PKP4: variants seen among roughly 807,000 people sequenced by gnomAD.
PKP4 encodes plakophilin-4.
A neutral mutation model predicts 145.1 loss-of-function variants in PKP4; 90 were observed. The ratio of observed to expected loss-of-function variants is 0.62; its 90% CI spans 0.52 to 0.74. The LOEUF is 0.74. Among genes scored for constraint, PKP4 ranks in the 30% least tolerant of loss-of-function variants. The pLI, the probability that PKP4 is intolerant of heterozygous loss-of-function variation, is 0.00. For missense variants in PKP4, 1,340 were observed against 1,482.7 expected, an observed-to-expected ratio of 0.90 and a Z score of 1.58; for synonymous variants, 563 against 577.2, an observed-to-expected ratio of 0.98 and a Z score of 0.35.
In PKP4 at chr2:158,486,165, A is replaced by T. The variant is rs1260245335; in HGVS notation, c.-6+28947A>T. Among the ~76,000 whole-genome samples, 4 of 152,324 alleles carry T rather than the reference A, an allele frequency of 2.6e-5. No individual in the cohort carries two copies. In the East Asian group the frequency reaches 7.7e-4, roughly 29 times the overall value. The stretch of plus-strand genomic sequence containing the variant: ...GGCAGCTCAACTTTTTTAAATTCTT[A>T]CTTTTATGATAGGCTATAATTAAAC... On this transcript the variant is annotated intron_variant, in intron 1 of 21. Coordinates refer to ENST00000389759, the MANE Select transcript of PKP4 (RefSeq NM_003628.6).
In PKP4 at chr2:158,625,368, G is replaced by C; in HGVS notation, c.1094G>C (p.Gly365Ala). ...ACTGTTCATGACATGGAGCAATTCG[G>C]ACAGCAGCAGTATGACATTTATGAG... is the stretch of plus-strand genomic sequence containing the variant. ...QRTVHDMEQF[G>A]QQQYDIYERM... The change falls in exon 7 of 22, where the codon GGA (glycine) becomes GCA (alanine). Residue 365 changes from glycine (G) to alanine (A), a missense_variant. By Grantham distance (60) the Gly-to-Ala change is moderately conservative (BLOSUM62 0). Transcript: ENST00000389759. 6.2e-7 allele frequency: 1 copy of C among 1,614,168 alleles called. No individual in the cohort carries two copies. The highest frequency in any genetic ancestry group is 1.3e-5 in the African/African-American group (1 of 75,046).
chr2:158,568,776 C>A (rs141828321), intron 2 of PKP4, among the ~76,000 whole-genome samples: 1,766 of 152,176 alleles, frequency 0.012, 38 homozygotes, highest in African/African-American at 0.039. Context: ...GAGTTCACAA[C>A]CAGCCTGGCC....
intron 1 of PKP4, among the ~76,000 whole-genome samples, chr2:158,483,584 G>C (rs1693695486): frequency 6.6e-6 from 1 of 151,978 alleles, no homozygotes; most frequent in Non-Finnish European, 1.5e-5. Flanking sequence ...AAAGCAGGTA[G>C]CTTTTTGTGT....
chr2:158,580,143 T>C (rs1407151580), intron 3 of PKP4, among the ~76,000 whole-genome samples: 1 of 152,266 alleles, frequency 6.6e-6, no homozygotes, highest in Non-Finnish European at 1.5e-5. Context: ...TATTAGATTA[T>C]GTTCTGGACT....
rs1361043519 is a variant in PKP4, at chr2:158,488,206, G to C, written c.-6+30988G>C. Among the ~76,000 whole-genome samples the C allele has an allele frequency of 2.6e-5, 4 of 152,188 alleles. No individual in the cohort carries two copies. In the East Asian group the frequency reaches 7.7e-4, roughly 29 times the overall value. On this transcript the variant is annotated intron_variant, in intron 1 of 21. Transcript: ENST00000389759. Reference sequence around the variant, plus strand: ...ATTATAAAAAAAATTGGAGGCAAGGGGTGAAAGATCTAGGTAGTGTATGAA... The same window carrying C: ...ATTATAAAAAAAATTGGAGGCAAGGCGTGAAAGATCTAGGTAGTGTATGAA...
intron 1 of PKP4, among the ~76,000 whole-genome samples, chr2:158,463,502 T>C (rs1056431184): frequency 6.6e-6 from 1 of 151,728 alleles, no homozygotes; most frequent in Non-Finnish European, 1.5e-5. Flanking sequence ...GGAATATACA[T>C]GATATAAATC....
intron 1 of PKP4, among the ~76,000 whole-genome samples, chr2:158,514,519 T>G (rs534255072): frequency 2.0e-5 from 3 of 152,332 alleles, no homozygotes; most frequent in Non-Finnish European, 2.9e-5. Flanking sequence ...CCATCATTCC[T>G]CTATCCTGCT....
At chr2:158,571,340 T>C (rs147924396) in intron 2 of PKP4, among the ~76,000 whole-genome samples, 35 of 152,278 alleles carry the variant, frequency 2.3e-4, no homozygotes, top group African/African-American at 7.7e-4. Flanking sequence ...ATATCAAGAA[T>C]GTAAGGGGGC....
intron 17 of PKP4, among the ~76,000 whole-genome samples, chr2:158,670,290 T>C (rs1026059872): frequency 2.0e-5 from 3 of 152,166 alleles, no homozygotes; most frequent in African/African-American, 7.2e-5. Context: ...ATTTGGTGTC[T>C]GGTGAGGGCC....
At chr2:158,655,559 A>T (rs182546875) in intron 11 of PKP4, among the ~76,000 whole-genome samples, 2 of 81,162 alleles carry the variant, frequency 2.5e-5, no homozygotes, top group Non-Finnish European at 7.5e-5. Context: ...TATATCCAAT[A>T]TTATAGTATG....
Position 158,533,313 on chromosome 2 carries a change from GCAGGTA to G in PKP4, c.132_132+5del. 1 of 1,614,144 alleles carries G rather than the reference GCAGGTA, an allele frequency of 6.2e-7. No homozygotes were observed. Among genetic ancestry groups the G allele is most frequent in the Non-Finnish European group, 8.5e-7 (1 of 1,180,002 alleles). ...CCACTATTCTAGCATCCGTGAAGGA[GCAGGTA>G]CATCCTCGTATTGAAAGTTGCAGTG... On this transcript the variant is annotated splice_donor_variant and splice_donor_region_variant and coding_sequence_variant and intron_variant, in exon 2 of 22. Transcript: ENST00000389759. LOFTEE classifies it high-confidence loss of function.
At chr2:158,510,580 G>A (rs1162902042) in intron 1 of PKP4, among the ~76,000 whole-genome samples, 2 of 152,216 alleles carry the variant, frequency 1.3e-5, no homozygotes, top group African/African-American at 4.8e-5. Context: ...CTTGCAAAGT[G>A]CCTGTGTGTC....
At chr2:158,479,902 A>G (rs1272603531) in intron 1 of PKP4, among the ~76,000 whole-genome samples, 1 of 152,162 alleles carries the variant, frequency 6.6e-6, no homozygotes, top group Non-Finnish European at 1.5e-5. Context: ...TTGCCCATAA[A>G]CTGGTTCCAC....
At chr2:158,658,792 A>G (rs1025433382) in intron 12 of PKP4, 8 of 156,842 alleles carry the variant, frequency 5.1e-5, no homozygotes, top group African/African-American at 1.9e-4. Flanking sequence ...TAAAATCTAT[A>G]TATAAAGCCT....
At chr2:158,574,670 CTT>C (rs772079457) in intron 2 of PKP4, among the ~76,000 whole-genome samples, 50 of 152,196 alleles carry the variant, frequency 3.3e-4, no homozygotes, top group Non-Finnish European at 5.9e-4. Context: ...TGTTAAGTCA[CTT>C]TTACAAATTC....
In PKP4 at chr2:158,681,225, A is replaced by T. The variant is rs1369133634; in HGVS notation, c.*548A>T. The T allele has an allele frequency of 6.5e-6, 1 of 153,690 alleles. No individual in the cohort carries two copies. The highest frequency in any genetic ancestry group is 6.5e-5 in the Admixed American group (1 of 15,434). 9.5% of individuals were successfully genotyped at this position (153,690 alleles called of 1,614,324 possible). A position where few individuals can be genotyped will look rare whatever the true frequency, so the allele number is the denominator to read the frequency against. On this transcript the variant is annotated 3_prime_UTR_variant, in exon 22 of 22. Coordinates refer to ENST00000389759, the MANE Select transcript of PKP4 (RefSeq NM_003628.6). The stretch of plus-strand genomic sequence containing the variant: ...TGAAGAAACTGACAACTTCAAAAAC[A>T]AATGAGAAGCCCAAGGAACTGTGAG...
At chr2:158,612,814 A>C (rs1317253096) in intron 4 of PKP4, among the ~76,000 whole-genome samples, 1 of 152,016 alleles carries the variant, frequency 6.6e-6, no homozygotes, top group African/African-American at 2.4e-5. Context: ...AAACTTGAGC[A>C]TACCCCGGAC....
At chr2:158,538,684 G>A (rs2044271442) in intron 2 of PKP4, among the ~76,000 whole-genome samples, 1 of 151,950 alleles carries the variant, frequency 6.6e-6, no homozygotes, top group African/African-American at 2.4e-5. Flanking sequence ...TGAGATTACA[G>A]GTGTCTGCCA....
intron 3 of PKP4, among the ~76,000 whole-genome samples, chr2:158,587,290 CT>C (rs1269121518): frequency 1.3e-5 from 2 of 152,004 alleles, no homozygotes; most frequent in African/African-American, 4.8e-5. Context: ...ATTTAATCAT[CT>C]TTTAAAGAAC....
Sources: gnomAD v4.1 joint callset for allele counts (sites outside exome capture counted in the v4.1 genomes callset) on GRCh38, gnomAD v4.1.1 for gene constraint, MANE v1.5 for transcripts, NCBI Gene and HGNC (gene_info 2026-07-23, HGNC 2026-07-21) for gene names.